OTUB2: variants seen among roughly 807,000 people sequenced by gnomAD.
OTUB2 encodes OTU deubiquitinase, ubiquitin aldehyde binding 2, also known as ubiquitin thioesterase OTUB2.
Under a neutral mutation model 25.1 loss-of-function variants are expected in OTUB2, and 21 were observed. The ratio of observed to expected loss-of-function variants is 0.84; its 90% CI spans 0.59 to 1.21. The LOEUF (loss-of-function observed/expected upper bound fraction) is 1.21. OTUB2 is among the 50% of genes most tolerant of loss of function. OTUB2 has a pLI of 0.00. For missense variants in OTUB2, 283 were observed against 298.0 expected, an observed-to-expected ratio of 0.95 and a Z score of 0.37; for synonymous variants, 122 against 122.8, an observed-to-expected ratio of 0.99 and a Z score of 0.04.
intron 1 of OTUB2, among the ~76,000 whole-genome samples, chr14:94,026,939 G>A (rs1471725138): frequency 1.3e-5 from 2 of 152,190 alleles, no homozygotes; most frequent in Admixed American, 1.3e-4. Context: ...CCACCCACCC[G>A]ACGGCTCGGC....
rs1467209483 is a variant in OTUB2 at position 94,048,032 on chromosome 14, AAATCCGAACC to A, written c.*2112_*2121del. The A allele has an allele frequency of 6.6e-6, 1 of 152,246 alleles. No individual in the cohort carries two copies. Among genetic ancestry groups the A allele is most frequent in the African/African-American group, 2.4e-5 (1 of 41,454 alleles). 9.4% of individuals were successfully genotyped at this position (152,246 alleles called of 1,614,324 possible). A position where few individuals can be genotyped will look rare whatever the true frequency, so the allele number is the denominator to read the frequency against. ...CCCTTTTTGCAAAAAACCACTGGCC[AAATCCGAACC>A]ATTGCCCTTGTTTCCCCCACGTTCT... On this transcript the variant is annotated 3_prime_UTR_variant, in exon 6 of 6. Coordinates refer to ENST00000203664, the MANE Select transcript of OTUB2 (RefSeq NM_023112.4).
At chr14:94,042,412 C>T (rs1432787088) in intron 3 of OTUB2, among the ~76,000 whole-genome samples, 1 of 151,774 alleles carries the variant, frequency 6.6e-6, no homozygotes, top group African/African-American at 2.4e-5. Flanking sequence ...TGCTGCTTAT[C>T]TCCGTGCCCC....
chr14:94,045,565 G>A (rs562604582), intron 5 of OTUB2, 151 bp from the exon 6 acceptor site: 3 of 701,966 alleles, frequency 4.3e-6, no homozygotes, highest in African/African-American at 1.8e-5. Flanking sequence ...CGTGTGGCAT[G>A]AGAACGTCCA....
rs1944145136 is a variant in OTUB2, at chr14:94,044,628, T to C, written c.346T>C (p.Ser116Pro). The change falls in exon 5 of 6, where the codon TCC becomes CCC. Residue 116 changes from serine to proline, a missense_variant. Coordinates refer to ENST00000203664, the MANE Select transcript of OTUB2 (RefSeq NM_023112.4). The part of the protein sequence containing the change: ...VELVEKDGSV[S>P]SLLKVFNDQS... ...ACTGGTAGAGAAGGATGGCTCAGTG[T>C]CCAGCCTGCTGAAGGTGTTCAACGA... is the stretch of plus-strand genomic sequence containing the variant. The C allele has an allele frequency of 3.1e-6, 5 of 1,614,046 alleles. No homozygotes were observed. Among genetic ancestry groups the C allele is most frequent in the South Asian group, 1.1e-5 (1 of 91,084 alleles).
In OTUB2 at chr14:94,044,660, T is replaced by C. The variant is rs550524817; in HGVS notation, c.378T>C (p.Ser126=). ...SSLLKVFNDQ[S]ASDHIVQFLR... ...TGCTGAAGGTGTTCAACGACCAGAG[T>C]GCCTCGGACCACATCGTGCAGTTCC... The change falls in exon 5 of 6, where the codon AGT becomes AGC. Residue 126 remains serine, a synonymous_variant. Transcript: ENST00000203664. 6.2e-7 allele frequency: 1 copy of C among 1,614,076 alleles called. No individual in the cohort carries two copies. The highest frequency in any genetic ancestry group is 1.1e-5 in the South Asian group (1 of 91,076).
rs199956464 is a variant in OTUB2, at chr14:94,037,434, C to T, written c.58C>T (p.Arg20Trp). The T allele has an allele frequency of 3.1e-4, 501 of 1,606,536 alleles. No homozygotes were observed. The highest frequency in any genetic ancestry group is 1.7e-4 in the Admixed American group (10 of 59,918). Residue 20 changes from arginine (R) to tryptophan (W), a missense_variant, in exon 2 of 6, where the codon CGG becomes TGG. By Grantham distance (101) the Arg-to-Trp change is moderately radical. Coordinates refer to ENST00000203664, the MANE Select transcript of OTUB2 (RefSeq NM_023112.4). ...SEKCDILSIL[R>W]DHPENRIYRR... is the part of the protein sequence containing the mutation. ...AAAATGTGACATTCTATCCATTCTT[C>T]GGGACCATCCTGAAAACAGGATTTA...
intron 3 of OTUB2, among the ~76,000 whole-genome samples, chr14:94,039,762 G>T (rs1885124304): frequency 6.6e-6 from 1 of 152,208 alleles, no homozygotes; most frequent in South Asian, 2.1e-4. Flanking sequence ...GCTTTGAGGA[G>T]CAAGGAGCTA....
At chr14:94,041,927 A>G (rs990827759) in intron 3 of OTUB2, among the ~76,000 whole-genome samples, 10 of 115,240 alleles carry the variant, frequency 8.7e-5, no homozygotes, top group Middle Eastern at 4.4e-3. Context: ...CACTTGGAAC[A>G]CTGACCTGGG....
chr14:94,039,442 T>A (rs770720725), intron 3 of OTUB2: 3 of 256,046 alleles, frequency 1.2e-5, no homozygotes, highest in Non-Finnish European at 2.3e-5. Context: ...ATAATTCCTG[T>A]TGACCTTGGT....
chr14:94,041,485 G>A (rs1427813154), intron 3 of OTUB2, among the ~76,000 whole-genome samples: 13 of 151,930 alleles, frequency 8.6e-5, no homozygotes, highest in Non-Finnish European at 2.9e-5. Context: ...TTTCTTAAGA[G>A]ATGGGTCTTC....
At chr14:94,040,989 G>A (rs1450718695) in intron 3 of OTUB2, among the ~76,000 whole-genome samples, 1 of 152,184 alleles carries the variant, frequency 6.6e-6, no homozygotes, top group African/African-American at 2.4e-5. Context: ...GCGCAGCACG[G>A]GGGACCTGCC....
intron 1 of OTUB2, 137 bp downstream of exon 1, chr14:94,026,677 A>C: frequency 1.1e-6 from 1 of 943,086 alleles, no homozygotes. Context: ...CCGCTTTCCG[A>C]CCCCCTGAAA....
At chr14:94,034,273 T>A (rs1885010882) in intron 1 of OTUB2, among the ~76,000 whole-genome samples, 1 of 152,224 alleles carries the variant, frequency 6.6e-6, no homozygotes, top group South Asian at 2.1e-4. Context: ...AAAATGCTGT[T>A]GTGGACACTG....
intron 3 of OTUB2, among the ~76,000 whole-genome samples, chr14:94,043,384 G>A (rs1365849054): frequency 6.6e-6 from 1 of 152,192 alleles, no homozygotes; most frequent in Non-Finnish European, 1.5e-5. Context: ...AAACTTGGGA[G>A]TGTCCTGGAG....
At chr14:94,043,625 T>C (rs899687125) in intron 3 of OTUB2, among the ~76,000 whole-genome samples, 2 of 152,186 alleles carry the variant, frequency 1.3e-5, no homozygotes, top group African/African-American at 4.8e-5. Context: ...TGTCAGCCGA[T>C]TGCTGTGGTG....
At chr14:94,042,468 T>C (rs1885181649) in intron 3 of OTUB2, among the ~76,000 whole-genome samples, 1 of 127,898 alleles carries the variant, frequency 7.8e-6, no homozygotes, top group African/African-American at 3.0e-5. Flanking sequence ...GAGGAATGAA[T>C]GTGGAATGAG....
chr14:94,032,823 G>GA (rs1884987267), intron 1 of OTUB2, among the ~76,000 whole-genome samples: 1 of 152,198 alleles, frequency 6.6e-6, no homozygotes, highest in Non-Finnish European at 1.5e-5. Flanking sequence ...AACAAAACCT[G>GA]AAAAAATTCC....
At chr14:94,045,134 TATGA>T (rs936895872) in intron 5 of OTUB2, among the ~76,000 whole-genome samples, 25 of 152,350 alleles carry the variant, frequency 1.6e-4, no homozygotes, top group African/African-American at 5.5e-4. Flanking sequence ...GCACTTTTCA[TATGA>T]ATATTTGGAT....
chr14:94,034,391 G>T (rs1404851447), intron 1 of OTUB2, among the ~76,000 whole-genome samples: 3 of 152,192 alleles, frequency 2.0e-5, no homozygotes, highest in Non-Finnish European at 4.4e-5. Context: ...GCCCTGTGTG[G>T]AATGTTCCTT....
Sources: gnomAD v4.1 joint callset for allele counts (sites outside exome capture counted in the v4.1 genomes callset) on GRCh38, gnomAD v4.1.1 for gene constraint, MANE v1.5 for transcripts, NCBI Gene and HGNC (gene_info 2026-07-23, HGNC 2026-07-21) for gene names.